The following SLIT1 variants were observed in gnomAD, a reference collection of about 807,000 sequenced individuals.
SLIT1 encodes slit homolog 1 protein.
SLIT1 carries 66 observed loss-of-function variants against 186.1 expected under a neutral mutation model. The observed-to-expected ratio is 0.35, with a 90% CI of 0.29 to 0.44. The LOEUF (loss-of-function observed/expected upper bound fraction) is 0.44, where lower values mean the gene tolerates loss of function less well. Among genes scored for constraint, SLIT1 ranks in the 20% least tolerant of loss-of-function variants. The pLI, the probability that SLIT1 is intolerant of heterozygous loss-of-function variation, is 1.00. For missense variants in SLIT1, 1,638 were observed against 2,037.4 expected (o/e 0.80, Z 3.77); for synonymous variants, 761 against 833.8 (o/e 0.91, Z 1.50).
chr10:97,041,338 C>T (rs1363544392), intron 20 of SLIT1, among the ~76,000 whole-genome samples: 1 of 152,070 alleles, frequency 6.6e-6, no homozygotes, highest in Non-Finnish European at 1.5e-5. Context: ...TCACAGGTGG[C>T]CCTGCAAGAT....
intron 1 of SLIT1, among the ~76,000 whole-genome samples, chr10:97,179,796 A>ACCCCCCCCCCCCCCCCCCCCCACCC (rs1411663173): frequency 1.9e-5 from 2 of 103,008 alleles, no homozygotes. Flanking sequence ...AATTCTCCAC[A>ACCCCCCCCCCCCCCCCCCCCCACCC]CCCTCCCCGC....
chr10:97,144,344 TTA>T (rs1335512443), intron 4 of SLIT1, among the ~76,000 whole-genome samples: 1 of 152,210 alleles, frequency 6.6e-6, no homozygotes, highest in Non-Finnish European at 1.5e-5. Context: ...CTAATTCATG[TTA>T]ATATTCATGC....
At chr10:97,169,086 C>T (rs1850154725) in intron 1 of SLIT1, among the ~76,000 whole-genome samples, 1 of 152,158 alleles carries the variant, frequency 6.6e-6, no homozygotes, top group Non-Finnish European at 1.5e-5. Context: ...CTACACCCCA[C>T]TCCACACAAG....
chr10:97,112,495 C>T (rs1167386775), intron 4 of SLIT1, among the ~76,000 whole-genome samples: 3 of 152,162 alleles, frequency 2.0e-5, no homozygotes, highest in African/African-American at 7.2e-5. Flanking sequence ...GACAGATAAT[C>T]CACACTCATG....
chr10:97,067,310 G>A (rs897905851), intron 4 of SLIT1, among the ~76,000 whole-genome samples: 2 of 152,132 alleles, frequency 1.3e-5, no homozygotes, highest in East Asian at 1.9e-4. Context: ...TGTCAGGGCC[G>A]GGCCTCTGAC....
At chr10:97,151,057 A>G (rs1849872111) in intron 4 of SLIT1, among the ~76,000 whole-genome samples, 2 of 151,684 alleles carry the variant, frequency 1.3e-5, no homozygotes, top group African/African-American at 4.8e-5. Flanking sequence ...ACCCACTCCA[A>G]TCTGCTGATA....
intron 25 of SLIT1, among the ~76,000 whole-genome samples, chr10:97,026,837 A>G: frequency 6.6e-6 from 1 of 151,846 alleles, no homozygotes; most frequent in East Asian, 1.9e-4. Flanking sequence ...CAATCATTAC[A>G]GCATGTGTGA....
chr10:97,042,457 A>C (rs1374216253), intron 20 of SLIT1, among the ~76,000 whole-genome samples: 2 of 152,066 alleles, frequency 1.3e-5, no homozygotes, highest in Non-Finnish European at 2.9e-5. Flanking sequence ...TGGAGCAAAG[A>C]GTGACCAGGG....
intron 4 of SLIT1, among the ~76,000 whole-genome samples, chr10:97,156,636 G>A (rs1314621724): frequency 6.6e-6 from 1 of 152,160 alleles, no homozygotes; most frequent in Non-Finnish European, 1.5e-5. Flanking sequence ...AGATCACTGG[G>A]CTTACAGAGA....
At position 97,068,885 on chromosome 10, in the gene SLIT1, C is replaced by A. The variant is rs1271734309; in HGVS notation, c.414-2799G>T. On this transcript the variant is annotated intron_variant, in intron 4 of 36. Coordinates refer to ENST00000266058, the MANE Select transcript of SLIT1 (RefSeq NM_003061.3). This position sits in a 1 kb window ranked among gnomAD's most constrained non-coding sequence, Gnocchi z 4.2. Reference sequence around the variant, plus strand: ...CGATGCCTGTCTTTATGCAGCAACTCCCCCAGCCCCATATGTCTTGAGAGG... The same window carrying A: ...CGATGCCTGTCTTTATGCAGCAACTACCCCAGCCCCATATGTCTTGAGAGG... Among the ~76,000 whole-genome samples the A allele has an allele frequency of 6.6e-6, 1 of 152,218 alleles. No homozygotes were observed. Among genetic ancestry groups the A allele is most frequent in the Non-Finnish European group, 1.5e-5 (1 of 68,050 alleles).
In SLIT1 at chr10:97,101,809, C is replaced by T. The variant is rs7083763; in HGVS notation, c.414-35723G>A. ...GCATGTCTGGTGTGTTGAGCCACAA[C>T]GCCTCTTGAGTCACAGTCAGTAAAA... On this transcript the variant is annotated intron_variant, in intron 4 of 36. Coordinates refer to ENST00000266058, the MANE Select transcript of SLIT1 (RefSeq NM_003061.3). Among the ~76,000 whole-genome samples, 1,086 of 152,364 alleles carry T rather than the reference C, an allele frequency of 7.1e-3. 12 individuals carry two copies. The highest frequency in any genetic ancestry group is 0.024 in the African/African-American group (1,016 of 41,582).
intron 4 of SLIT1, among the ~76,000 whole-genome samples, chr10:97,114,820 T>G (rs1849495218): frequency 6.6e-6 from 1 of 151,826 alleles, no homozygotes; most frequent in Non-Finnish European, 1.5e-5. Context: ...CTGTGTGATG[T>G]TGGGCAAATT....
In SLIT1 at chr10:97,043,441, G is replaced by C. The variant is rs1028503177; in HGVS notation, c.1926C>G (p.Leu642=). ...SFTGLRNVRL[L]SLYDNQITTV... is the part of the protein sequence containing the mutation. ...TGGTGATCTGGTTGTCGTAGAGCGA[G>C]AGGAGCCGGACGTTGCGCAGGCCCG... Residue 642 remains leucine, a synonymous_variant, in exon 19 of 37, where the codon CTC becomes CTG. Coordinates refer to ENST00000266058, the MANE Select transcript of SLIT1 (RefSeq NM_003061.3). This position sits in a 1 kb window ranked among gnomAD's most constrained non-coding sequence, Gnocchi z 7.0. 9 of 1,613,922 alleles carry C rather than the reference G, an allele frequency of 5.6e-6. No homozygotes were observed. Among genetic ancestry groups the C allele is most frequent in the Non-Finnish European group, 6.8e-6 (8 of 1,180,000 alleles).
chr10:97,129,273 G>T (rs945720537), intron 4 of SLIT1, among the ~76,000 whole-genome samples: 6 of 151,852 alleles, frequency 4.0e-5, no homozygotes, highest in Non-Finnish European at 8.8e-5. Flanking sequence ...GTGGTGATGT[G>T]TGCCTGTAAT....
intron 4 of SLIT1, among the ~76,000 whole-genome samples, chr10:97,067,542 C>T (rs1281610458): frequency 6.6e-6 from 1 of 152,204 alleles, no homozygotes; most frequent in Non-Finnish European, 1.5e-5. Flanking sequence ...TTCAAGGTAA[C>T]CCAGCTGGTG....
intron 4 of SLIT1, among the ~76,000 whole-genome samples, chr10:97,075,885 C>T (rs917112958): frequency 2.6e-5 from 4 of 152,176 alleles, no homozygotes; most frequent in Non-Finnish European, 5.9e-5. Context: ...AGATTATAAC[C>T]TCTGTACTGG....
At chr10:97,092,020 A>C (rs1433565974) in intron 4 of SLIT1, among the ~76,000 whole-genome samples, 1 of 152,214 alleles carries the variant, frequency 6.6e-6, no homozygotes, top group African/African-American at 2.4e-5. Context: ...ATCTTCTTAC[A>C]TTTATCTCAA....
At chr10:97,037,476 G>C (rs1187692619) in intron 22 of SLIT1, among the ~76,000 whole-genome samples, 8 of 152,146 alleles carry the variant, frequency 5.3e-5, no homozygotes, top group Non-Finnish European at 1.5e-5. Flanking sequence ...GCAGGAGGAG[G>C]AGGCAGGTCC....
intron 4 of SLIT1, among the ~76,000 whole-genome samples, chr10:97,110,680 A>C (rs1256556090): frequency 2.0e-5 from 3 of 152,226 alleles, no homozygotes. Flanking sequence ...AAATCAAGGA[A>C]GTTATAAACA....
Sources: gnomAD v4.1 joint callset for allele counts (sites outside exome capture counted in the v4.1 genomes callset) on GRCh38, gnomAD v4.1.1 for gene constraint, Gnocchi (gnomAD v3.1) non-coding constraint, MANE v1.5 for transcripts, NCBI Gene and HGNC (gene_info 2026-07-23, HGNC 2026-07-21) for gene names.